ZFYVE28: variants seen among roughly 807,000 people sequenced by gnomAD.
ZFYVE28 encodes zinc finger FYVE-type containing 28.
ZFYVE28 carries 40 observed loss-of-function variants against 82.1 expected under a neutral mutation model. The observed-to-expected ratio is 0.49, with a 90% CI of 0.38 to 0.63. The LOEUF (loss-of-function observed/expected upper bound fraction) is 0.63. Among genes scored for constraint, ZFYVE28 ranks in the 30% least tolerant of loss-of-function variants. The probability of loss-of-function intolerance (pLI) is 0.00; values close to 1 mark genes in which losing one functional copy is unlikely to be tolerated. For missense variants in ZFYVE28, 1,321 were observed against 1,242.1 expected, an observed-to-expected ratio of 1.06 and a Z score of -0.96; for synonymous variants, 612 against 546.1, an observed-to-expected ratio of 1.12 and a Z score of -1.68.
At chr4:2,403,340 C>T (rs1419213718) in intron 1 of ZFYVE28, among the ~76,000 whole-genome samples, 1 of 152,244 alleles carries the variant, frequency 6.6e-6, no homozygotes, top group African/African-American at 2.4e-5. Context: ...GGAAGCAGTG[C>T]GTGGAACCTT....
At position 2,295,111 on chromosome 4, in the gene ZFYVE28, C is replaced by G. The variant is rs558480952; in HGVS notation, c.2051+9178G>C. Among the ~76,000 whole-genome samples the G allele has an allele frequency of 9.8e-5, 15 of 152,344 alleles. No homozygotes were observed. The East Asian group carries it at 2.7e-3, about 27-fold the overall frequency. ...CACAGAGGAACTGAACTCTCATATGCTGTTGTTTATCATATGCCAATCATA... is the reference window on the plus strand; with the variant it reads ...CACAGAGGAACTGAACTCTCATATGGTGTTGTTTATCATATGCCAATCATA... On this transcript the variant is annotated intron_variant, in intron 8 of 12. Transcript: ENST00000290974.
In ZFYVE28 at chr4:2,408,136, AT is replaced by A. The variant is rs61641355; in HGVS notation, c.39+10148del. ...TGGCCTCCAGGCCTCAAGGCCACAG[AT>A]TCCTGTCTGACCCTTGCTCCAACCT... On this transcript the variant is annotated intron_variant, in intron 1 of 12. Transcript: ENST00000290974. The surrounding 1 kb of genome is among the most constrained non-coding windows in gnomAD (Gnocchi z 4.3). 0.16 allele frequency among the ~76,000 whole-genome samples: 24,728 copies of A among 152,120 alleles called. 2,186 individuals are homozygous for A. The highest frequency in any genetic ancestry group is 0.33 in the East Asian group (1,715 of 5,134).
intron 3 of ZFYVE28, among the ~76,000 whole-genome samples, chr4:2,340,730 C>A (rs1397899544): frequency 6.6e-6 from 1 of 152,074 alleles, no homozygotes; most frequent in Non-Finnish European, 1.5e-5. Flanking sequence ...GAGAACCTGC[C>A]CGCGGGCCCC....
At chr4:2,404,254 G>A (rs1174968939) in intron 1 of ZFYVE28, among the ~76,000 whole-genome samples, 4 of 140,500 alleles carry the variant, frequency 2.8e-5, no homozygotes, top group East Asian at 2.2e-4. Flanking sequence ...CCCGGGAGGC[G>A]GAGCCTGCAG....
At chr4:2,314,672 G>C (rs1470877067) in intron 7 of ZFYVE28, among the ~76,000 whole-genome samples, 1 of 151,980 alleles carries the variant, frequency 6.6e-6, no homozygotes, top group Non-Finnish European at 1.5e-5. Flanking sequence ...TCTGCTACTT[G>C]TATATCATGA....
rs150182460 is a variant in ZFYVE28 at position 2,335,367 on chromosome 4, G to A, written c.701+338C>T. ...AGCCCCTGCGTGGCCACTCTGTTCC[G>A]AGCATGACCCCTGTGTGACCCTCAT... On this transcript the variant is annotated intron_variant, in intron 6 of 12. Transcript: ENST00000290974. The surrounding 1 kb of genome is among the most constrained non-coding windows in gnomAD (Gnocchi z 5.8). Among the ~76,000 whole-genome samples, 40 of 152,120 alleles carry A rather than the reference G, an allele frequency of 2.6e-4. No homozygotes were observed. Among genetic ancestry groups the A allele is most frequent in the African/African-American group, 3.6e-4 (15 of 41,444 alleles).
At position 2,337,877 on chromosome 4, in the gene ZFYVE28, T is replaced by TCAC. The variant is rs1722099395; in HGVS notation, c.522-382_522-381insGTG. Among the ~76,000 whole-genome samples, 14 of 151,090 alleles carry TCAC rather than the reference T, an allele frequency of 9.3e-5. No individual in the cohort carries two copies. In the South Asian group the frequency reaches 2.9e-3, roughly 32 times the overall value. ...CAAAGCAAGACCTTTTCTCTTAAAA[T>TCAC]ACACACACACACCCTACACCACCAT... On this transcript the variant is annotated intron_variant, in intron 4 of 12. Coordinates refer to ENST00000290974, the MANE Select transcript of ZFYVE28 (RefSeq NM_020972.3).
At chr4:2,364,436 C>G in intron 1 of ZFYVE28, 1 of 985,492 alleles carries the variant, frequency 1.0e-6, no homozygotes, top group Non-Finnish European at 1.2e-6. Flanking sequence ...AGCAAACTGC[C>G]AGGAAAGGCT....
At chr4:2,318,373 C>T (rs1718534816) in intron 7 of ZFYVE28, among the ~76,000 whole-genome samples, 1 of 152,202 alleles carries the variant, frequency 6.6e-6, no homozygotes, top group Non-Finnish European at 1.5e-5. Flanking sequence ...GCCTGACCAG[C>T]ATGGTGAAAC....
At position 2,313,851 on chromosome 4, in the gene ZFYVE28, A is replaced by G. The variant is rs947793891; in HGVS notation, c.803+6319T>C. Among the ~76,000 whole-genome samples the G allele has an allele frequency of 6.2e-3, 932 of 150,594 alleles. 13 individuals carry two copies. Among genetic ancestry groups the G allele is most frequent in the African/African-American group, 0.022 (888 of 41,216 alleles). On this transcript the variant is annotated intron_variant, in intron 7 of 12. Transcript: ENST00000290974. Reference sequence around the variant, plus strand: ...GCGACAGAGTGAGACTCTGTCTCAAAAAAAAAAAAAAAAAAAGAACGTGAA... The same window carrying G: ...GCGACAGAGTGAGACTCTGTCTCAAGAAAAAAAAAAAAAAAAGAACGTGAA...
rs953559002 is a variant in ZFYVE28, at chr4:2,372,358, A to G, written c.40-18285T>C. Reference sequence around the variant, plus strand: ...CCTACGCTGCCTCCCCAGCCCTTCCATCGCCGCCTCCTGCCACCACCGCTC... The same window carrying G: ...CCTACGCTGCCTCCCCAGCCCTTCCGTCGCCGCCTCCTGCCACCACCGCTC... On this transcript the variant is annotated intron_variant, in intron 1 of 12. Coordinates refer to ENST00000290974, the MANE Select transcript of ZFYVE28 (RefSeq NM_020972.3). The surrounding 1 kb of genome is among the most constrained non-coding windows in gnomAD (Gnocchi z 5.2). 7.9e-5 allele frequency among the ~76,000 whole-genome samples: 12 copies of G among 151,882 alleles called. No homozygotes were observed. Among genetic ancestry groups the G allele is most frequent in the African/African-American group, 2.4e-4 (10 of 41,338 alleles).
In ZFYVE28 at chr4:2,271,215, C is replaced by T. The variant is rs1264873554; in HGVS notation, c.2532+96G>A. On this transcript the variant is annotated intron_variant, in intron 12 of 12. Transcript: ENST00000290974. Reference sequence around the variant, plus strand: ...CACAAGACCCCACAGGCCTCGCTGGCCTCCCTGGGCATCGGTTCTGACTTC... The same window carrying T: ...CACAAGACCCCACAGGCCTCGCTGGTCTCCCTGGGCATCGGTTCTGACTTC... 9.2e-6 allele frequency: 12 copies of T among 1,299,190 alleles called. No homozygotes were observed. The Middle Eastern group carries it at 8.6e-4, about 93-fold the overall frequency. The allele number at this position is 1,299,190 out of a possible 1,614,324, so 80.5% of individuals were successfully genotyped here. A position where few individuals can be genotyped will look rare whatever the true frequency, so the allele number is the denominator to read the frequency against.
rs111709014 is a variant in ZFYVE28 at position 2,384,890 on chromosome 4, G to A, written c.40-30817C>T. On this transcript the variant is annotated intron_variant, in intron 1 of 12. Coordinates refer to ENST00000290974, the MANE Select transcript of ZFYVE28 (RefSeq NM_020972.3). Reference sequence around the variant, plus strand: ...AACTCTTGCCTTTTCAAGATGTGACGGAGACAGGCTCAGGTCCTAGACTTG... The same window carrying A: ...AACTCTTGCCTTTTCAAGATGTGACAGAGACAGGCTCAGGTCCTAGACTTG... Among the ~76,000 whole-genome samples, 379 of 152,270 alleles carry A rather than the reference G, an allele frequency of 2.5e-3. 1 individual carries two copies. The highest frequency in any genetic ancestry group is 4.5e-3 in the Admixed American group (69 of 15,302).
intron 8 of ZFYVE28, among the ~76,000 whole-genome samples, chr4:2,283,673 G>A (rs1393673924): frequency 6.6e-6 from 1 of 152,146 alleles, no homozygotes; most frequent in Admixed American, 6.5e-5. Context: ...CAGCCCTAAG[G>A]AGCTCACGAT....
intron 8 of ZFYVE28, among the ~76,000 whole-genome samples, chr4:2,284,719 C>G (rs1486467537): frequency 6.6e-6 from 1 of 152,148 alleles, no homozygotes; most frequent in Non-Finnish European, 1.5e-5. Context: ...ATGCACAAGG[C>G]CTGGCTTTGA....
intron 2 of ZFYVE28, among the ~76,000 whole-genome samples, chr4:2,346,170 A>C (rs1470713705): frequency 6.7e-6 from 1 of 149,384 alleles, no homozygotes; most frequent in East Asian, 1.9e-4. Context: ...CTACTAAAAA[A>C]AAAAAAAAAA....
At chr4:2,387,371 C>A (rs991497273) in intron 1 of ZFYVE28, among the ~76,000 whole-genome samples, 3 of 152,218 alleles carry the variant, frequency 2.0e-5, no homozygotes. Context: ...TTGGCCAGAA[C>A]CCATCACTTG....
intron 4 of ZFYVE28, among the ~76,000 whole-genome samples, chr4:2,338,903 T>C (rs1722296336): frequency 6.6e-6 from 1 of 152,290 alleles, no homozygotes; most frequent in Admixed American, 6.5e-5. Flanking sequence ...CAGCTCACTG[T>C]AGCCTCTGCC....
chr4:2,287,295 G>C (rs1712898147), intron 8 of ZFYVE28: 1 of 152,310 alleles, frequency 6.6e-6, no homozygotes, highest in Non-Finnish European at 1.5e-5. Flanking sequence ...GCGACCCTGG[G>C]CAGGTTATGT....
Sources: gnomAD v4.1 joint callset for allele counts (sites outside exome capture counted in the v4.1 genomes callset) on GRCh38, gnomAD v4.1.1 for gene constraint, Gnocchi (gnomAD v3.1) non-coding constraint, MANE v1.5 for transcripts, NCBI Gene and HGNC (gene_info 2026-07-23, HGNC 2026-07-21) for gene names.